Variants in GALNT1 observed in about 807,000 individuals in gnomAD.
GALNT1 encodes polypeptide N-acetylgalactosaminyltransferase 1.
In GALNT1, 17 loss-of-function variants were observed where a neutral mutation model predicts 65.7. That is an observed-to-expected ratio of 0.26 (90% CI 0.18 to 0.39). The LOEUF (loss-of-function observed/expected upper bound fraction) is 0.39. Among genes scored for constraint, GALNT1 ranks in the 10% least tolerant of loss-of-function variants. The pLI is 1.00. For synonymous variants in GALNT1, 210 were observed against 219.7 expected (o/e 0.96, Z 0.39); for missense variants, 460 against 672.8 (o/e 0.68, Z 3.50).
chr18:35,595,190 A>G (rs183921839), intron 1 of GALNT1, among the ~76,000 whole-genome samples: 1 of 152,358 alleles, frequency 6.6e-6, no homozygotes, highest in East Asian at 1.9e-4. Flanking sequence ...CTCTTAATAT[A>G]TAACAAAAAA....
chr18:35,629,371 A>G (rs994156322), intron 1 of GALNT1, among the ~76,000 whole-genome samples: 2 of 152,234 alleles, frequency 1.3e-5, no homozygotes, highest in African/African-American at 4.8e-5. Context: ...CTGATCTCTC[A>G]GCAGAAACTC....
At position 35,703,506 on chromosome 18, in the gene GALNT1, C is replaced by T; in HGVS notation, c.1399-3C>T. On this transcript the variant is annotated splice_polypyrimidine_tract_variant and splice_region_variant and intron_variant, in intron 10 of 11. Coordinates refer to ENST00000269195, the MANE Select transcript of GALNT1 (RefSeq NM_020474.4). ...GTTTATGTGTGTGCATTTTTATTTC[C>T]AGGTTTTCTCTTATACTGCCAACAA... 3 of 1,609,464 alleles carry T rather than the reference C, an allele frequency of 1.9e-6. No homozygotes were observed. The highest frequency in any genetic ancestry group is 2.5e-6 in the Non-Finnish European group (3 of 1,178,386).
intron 3 of GALNT1, among the ~76,000 whole-genome samples, chr18:35,670,946 C>T (rs2047625852): frequency 1.3e-5 from 2 of 152,134 alleles, no homozygotes; most frequent in Non-Finnish European, 2.9e-5. Flanking sequence ...GCATCTTTAC[C>T]TCACATCATA....
intron 1 of GALNT1, among the ~76,000 whole-genome samples, chr18:35,590,550 G>A (rs1419831575): frequency 2.0e-5 from 3 of 152,166 alleles, no homozygotes; most frequent in African/African-American, 7.2e-5. Context: ...TAAAGTATCA[G>A]TTCATTTGTA....
At chr18:35,595,170 A>G (rs1360110003) in intron 1 of GALNT1, among the ~76,000 whole-genome samples, 4 of 152,238 alleles carry the variant, frequency 2.6e-5, no homozygotes, top group Non-Finnish European at 4.4e-5. Flanking sequence ...AAAATATCCC[A>G]TGTAAAATAC....
chr18:35,585,505 T>C (rs1170720398), intron 1 of GALNT1, among the ~76,000 whole-genome samples: 1 of 152,240 alleles, frequency 6.6e-6, no homozygotes, highest in Non-Finnish European at 1.5e-5. Flanking sequence ...CTTCCAATGG[T>C]ATCATTTTGT....
At chr18:35,660,429 A>C (rs1015208282) in intron 2 of GALNT1, among the ~76,000 whole-genome samples, 2 of 152,142 alleles carry the variant, frequency 1.3e-5, no homozygotes, top group African/African-American at 4.8e-5. Flanking sequence ...AACTTAACTG[A>C]AGTATATAAT....
intron 1 of GALNT1, among the ~76,000 whole-genome samples, chr18:35,608,446 A>C (rs2144023521): frequency 6.6e-6 from 1 of 152,272 alleles, no homozygotes; most frequent in Middle Eastern, 3.4e-3. Context: ...GCTTGAGGCC[A>C]CCTCTGTGCC....
At chr18:35,708,534 G>A (rs1194831656) in intron 11 of GALNT1, among the ~76,000 whole-genome samples, 2 of 152,186 alleles carry the variant, frequency 1.3e-5, no homozygotes, top group African/African-American at 4.8e-5. Context: ...CATTAAAATA[G>A]AGCCATGAGT....
intron 4 of GALNT1, among the ~76,000 whole-genome samples, chr18:35,678,244 A>G (rs1477507879): frequency 6.6e-6 from 1 of 152,152 alleles, no homozygotes; most frequent in South Asian, 2.1e-4. Context: ...CTCCATTTCT[A>G]AGTTTCAGGA....
chr18:35,653,440 A>G (rs1249584549), intron 1 of GALNT1, among the ~76,000 whole-genome samples: 3 of 152,200 alleles, frequency 2.0e-5, no homozygotes, highest in South Asian at 4.1e-4. Flanking sequence ...TGTTGCATAA[A>G]GTTGCCCTTG....
At chr18:35,646,621 CAT>C (rs1261922251) in intron 1 of GALNT1, among the ~76,000 whole-genome samples, 2 of 152,166 alleles carry the variant, frequency 1.3e-5, no homozygotes, top group Non-Finnish European at 2.9e-5. Context: ...TGGGGGAGGC[CAT>C]AGAGTGTTTA....
At chr18:35,708,403 C>T (rs952011802) in intron 11 of GALNT1, among the ~76,000 whole-genome samples, 1 of 150,452 alleles carries the variant, frequency 6.6e-6, no homozygotes, top group Non-Finnish European at 1.5e-5. Flanking sequence ...GACCACAACA[C>T]GGAAGAATAA....
intron 1 of GALNT1, among the ~76,000 whole-genome samples, chr18:35,647,236 A>G (rs1290466161): frequency 2.0e-5 from 3 of 152,200 alleles, no homozygotes; most frequent in Non-Finnish European, 2.9e-5. Flanking sequence ...TCTATTATAG[A>G]TGTGTGTAGA....
chr18:35,701,458 T>C (rs2048162589), intron 9 of GALNT1, among the ~76,000 whole-genome samples: 1 of 152,214 alleles, frequency 6.6e-6, no homozygotes. Flanking sequence ...GTGTGCTTTA[T>C]GCAAATTGGT....
chr18:35,649,019 A>G (rs1266281726), intron 1 of GALNT1, among the ~76,000 whole-genome samples: 1 of 152,162 alleles, frequency 6.6e-6, no homozygotes, highest in East Asian at 1.9e-4. Context: ...GTTTCCAGAT[A>G]TTGATGATTA....
Position 35,654,641 on chromosome 18 carries a change from T to C in GALNT1, c.-22T>C. 7.6e-7 allele frequency: 1 copy of C among 1,312,158 alleles called. No individual in the cohort carries two copies. The highest frequency in any genetic ancestry group is 9.8e-7 in the Non-Finnish European group (1 of 1,018,648). The allele number at this position is 1,312,158 out of a possible 1,614,324, so 81.3% of individuals were successfully genotyped here. ...TATTTATATATATATATTTTTAAAT[T>C]TTGCATTTGACTTAAAGTGCCATGA... On this transcript the variant is annotated 5_prime_UTR_variant, in exon 2 of 12. Transcript: ENST00000269195.
At chr18:35,698,473 TATAAA>T (rs766241705) in intron 9 of GALNT1, among the ~76,000 whole-genome samples, 7 of 151,680 alleles carry the variant, frequency 4.6e-5, no homozygotes, top group East Asian at 3.9e-4. Context: ...TGTCTGAAAA[TATAAA>T]ATAAAATAAA....
At chr18:35,592,151 A>T (rs922717254) in intron 1 of GALNT1, among the ~76,000 whole-genome samples, 14 of 152,160 alleles carry the variant, frequency 9.2e-5, no homozygotes, top group African/African-American at 3.4e-4. Flanking sequence ...ACCTGAGGGG[A>T]TACTTACAGT....
Sources: allele counts gnomAD v4.1 joint callset (sites outside exome capture counted in the v4.1 genomes callset), GRCh38; gene constraint gnomAD v4.1.1; transcripts MANE v1.5; gene names NCBI Gene and HGNC (gene_info 2026-07-23, HGNC 2026-07-21).